The following APOOL variants were observed in gnomAD, a reference collection of about 807,000 sequenced individuals.
The protein encoded by APOOL is apolipoprotein O like.
APOOL carries 12 observed loss-of-function variants against 23.1 expected under a neutral mutation model. That is an observed-to-expected ratio of 0.52 (90% CI 0.33 to 0.84). APOOL has a LOEUF of 0.84. APOOL is among the 40% of genes least tolerant of loss of function. The pLI is 0.02. For missense variants in APOOL, 212 were observed against 199.6 expected (o/e 1.06, Z -0.37); for synonymous variants, 77 against 69.9 (o/e 1.10, Z -0.51).
chrX:85,061,775 C>T (rs1291661961), intron 5 of APOOL, among the ~76,000 whole-genome samples: 2 of 111,384 alleles, frequency 1.8e-5, no homozygotes, highest in South Asian at 3.7e-4. Context: ...TCTCTCTTTT[C>T]TTCTTTATTA....
At chrX:85,048,237 A>G (rs971967317) in intron 2 of APOOL, among the ~76,000 whole-genome samples, 1 of 110,784 alleles carries the variant, frequency 9.0e-6, no homozygotes, top group African/African-American at 3.3e-5. Context: ...ATTTTCATTA[A>G]TGGTCTGGGG....
At chrX:85,049,939 T>G (rs1446177698) in intron 2 of APOOL, among the ~76,000 whole-genome samples, 1 of 111,644 alleles carries the variant, frequency 9.0e-6, no homozygotes, top group Non-Finnish European at 1.9e-5. Flanking sequence ...TGTAAGTAAA[T>G]AACGTTGCCC....
chrX:85,065,071 G>A (rs1471043016), intron 5 of APOOL, among the ~76,000 whole-genome samples: 1 of 111,681 alleles, frequency 9.0e-6, no homozygotes, highest in East Asian at 2.8e-4. Context: ...CCTGTATTGA[G>A]TACATATATA....
chrX:85,042,330 A>G (rs1182242831), intron 1 of APOOL, among the ~76,000 whole-genome samples: 1 of 111,836 alleles, frequency 8.9e-6, no homozygotes, highest in Non-Finnish European at 1.9e-5. Flanking sequence ...GATCAACTAT[A>G]TGCCAATAAG....
At chrX:85,062,099 C>T (rs1288614295) in intron 5 of APOOL, among the ~76,000 whole-genome samples, 4 of 110,957 alleles carry the variant, frequency 3.6e-5, no homozygotes, top group African/African-American at 1.3e-4. Context: ...TCGTTGGTTT[C>T]AAAGAACATC....
chrX:85,025,855 G>A (rs764776228), intron 1 of APOOL, among the ~76,000 whole-genome samples: 17 of 112,638 alleles, frequency 1.5e-4, no homozygotes, highest in Admixed American at 5.6e-4. Flanking sequence ...GGTGCAGGGT[G>A]CAAGCAGCTG....
intron 1 of APOOL, among the ~76,000 whole-genome samples, chrX:85,042,673 C>T (rs866479344): frequency 1.8e-5 from 2 of 111,594 alleles, no homozygotes; most frequent in African/African-American, 6.5e-5. Context: ...AATATTGATG[C>T]AAAAATCCTC....
chrX:85,030,523 A>T (rs966748183), intron 1 of APOOL, among the ~76,000 whole-genome samples: 9 of 112,039 alleles, frequency 8.0e-5, no homozygotes, highest in African/African-American at 2.6e-4. Flanking sequence ...AAATAAGTAG[A>T]TAAATAAATA....
chrX:85,015,228 T>A lies in APOOL; in HGVS notation c.15+11301T>A, dbSNP rs144034662. 1.3e-3 allele frequency among the ~76,000 whole-genome samples: 141 copies of A among 111,462 alleles called. 2 individuals are homozygous for A. The East Asian group carries it at 0.037, about 29-fold the overall frequency. On this transcript the variant is annotated intron_variant, in intron 1 of 8. Transcript: ENST00000373173. ...TATGGAAAAGGTTTCATTCATATCC[T>A]GTATTTTTTAAAAAAATTATCTAAG...
chrX:85,044,481 A>G (rs1335328140), intron 1 of APOOL, among the ~76,000 whole-genome samples: 1 of 110,377 alleles, frequency 9.1e-6, no homozygotes, highest in African/African-American at 3.3e-5. Flanking sequence ...GGGTTTCACC[A>G]TGTTGGTCAG....
rs182434533 is a variant in APOOL, at chrX:85,010,084, T to A, written c.15+6157T>A. On this transcript the variant is annotated intron_variant, in intron 1 of 8. Coordinates refer to ENST00000373173, the MANE Select transcript of APOOL (RefSeq NM_198450.6). ...TTGGGTTGATTCCATATCTTTGCTA[T>A]TGTGAATAGTGCTGTCAAGCTACCC... Among the ~76,000 whole-genome samples the A allele has an allele frequency of 2.1e-3, 236 of 111,572 alleles. 1 individual carries two copies. Among genetic ancestry groups the A allele is most frequent in the African/African-American group, 7.5e-3 (230 of 30,719 alleles).
intron 5 of APOOL, among the ~76,000 whole-genome samples, chrX:85,060,683 C>T: frequency 9.0e-6 from 1 of 110,966 alleles, no homozygotes; most frequent in South Asian, 3.9e-4. Context: ...CTCTGTTTGT[C>T]TGTTATTGGT....
intron 1 of APOOL, among the ~76,000 whole-genome samples, chrX:85,027,884 A>T (rs751189067): frequency 8.9e-6 from 1 of 111,967 alleles, no homozygotes; most frequent in African/African-American, 3.2e-5. Context: ...CAAGCTTTTC[A>T]TACTGCCATT....
chrX:85,018,187 A>T (rs1921542198), intron 1 of APOOL, among the ~76,000 whole-genome samples: 1 of 112,340 alleles, frequency 8.9e-6, no homozygotes, highest in Admixed American at 9.4e-5. Context: ...GAAGCTAGCT[A>T]ATTTGTGAAA....
At chrX:85,085,630 G>T (rs768533633) in intron 8 of APOOL, among the ~76,000 whole-genome samples, 40 of 111,817 alleles carry the variant, frequency 3.6e-4, no homozygotes, top group Non-Finnish European at 4.3e-4. Context: ...ATGCAGAAAA[G>T]GTATGGTTCC....
At chrX:85,045,072 T>C (rs1922530651) in intron 1 of APOOL, among the ~76,000 whole-genome samples, 1 of 111,792 alleles carries the variant, frequency 8.9e-6, no homozygotes, top group Non-Finnish European at 1.9e-5. Flanking sequence ...CTTGCTGGCA[T>C]CAGTTTTAAT....
At chrX:85,063,011 C>A (rs1195579352) in intron 5 of APOOL, among the ~76,000 whole-genome samples, 1 of 111,686 alleles carries the variant, frequency 9.0e-6, no homozygotes, top group East Asian at 2.8e-4. Flanking sequence ...AAAGTTTTTC[C>A]ATTTGTTTGT....
chrX:85,078,049 C>T (rs1287933192), intron 8 of APOOL, among the ~76,000 whole-genome samples: 5 of 111,752 alleles, frequency 4.5e-5, no homozygotes, highest in Non-Finnish European at 9.4e-5. Context: ...TGCCTGTTCA[C>T]TCTGATGGTA....
rs774132435 is a variant in APOOL at position 85,074,267 on chromosome X, T to A, written c.601-7T>A. On this transcript the variant is annotated splice_polypyrimidine_tract_variant and splice_region_variant and intron_variant, in intron 7 of 8. Transcript: ENST00000373173. ...ACTTATGAAGGAAAAATCTGTTTGGTAAACAGCTAGGATCCTCTTCCGAAA... is the reference window on the plus strand; with the variant it reads ...ACTTATGAAGGAAAAATCTGTTTGGAAAACAGCTAGGATCCTCTTCCGAAA... 1 of 1,210,118 alleles carries A rather than the reference T, an allele frequency of 8.3e-7. No homozygotes were observed. The highest frequency in any genetic ancestry group is 3.0e-5 in the East Asian group (1 of 33,814).
Sources: gnomAD v4.1 joint callset for allele counts (sites outside exome capture counted in the v4.1 genomes callset) on GRCh38, gnomAD v4.1.1 for gene constraint, MANE v1.5 for transcripts, NCBI Gene and HGNC (gene_info 2026-07-23, HGNC 2026-07-21) for gene names.